CLCN5: variants seen among roughly 807,000 people sequenced by gnomAD.
The protein encoded by CLCN5 is Cl-/H+ antiporter 5, also known as H(+)/Cl(-) exchange transporter 5.
In CLCN5, 17 loss-of-function variants were observed where a neutral mutation model predicts 54.0. The observed-to-expected ratio is 0.31, with a 90% CI of 0.22 to 0.47. The LOEUF (loss-of-function observed/expected upper bound fraction) is 0.47, where lower values mean the gene tolerates loss of function less well. CLCN5 is among the 20% of genes least tolerant of loss of function. CLCN5 has a pLI of 1.00. For synonymous variants in CLCN5, 222 were observed against 233.0 expected, an observed-to-expected ratio of 0.95 and a Z score of 0.43; for missense variants, 448 against 646.7, an observed-to-expected ratio of 0.69 and a Z score of 3.33.
intron 9 of CLCN5, among the ~76,000 whole-genome samples, chrX:50,082,616 G>A (rs1229925005): frequency 2.7e-5 from 3 of 111,460 alleles, no homozygotes; most frequent in Non-Finnish European, 3.8e-5. Flanking sequence ...CCTGGCTCAC[G>A]TCAAACTGTT....
chrX:50,078,731 A>T (rs1158348663), intron 7 of CLCN5, among the ~76,000 whole-genome samples: 2 of 112,552 alleles, frequency 1.8e-5, no homozygotes, highest in Non-Finnish European at 3.8e-5. Flanking sequence ...TTCAAACTGG[A>T]GCTTGAGATT....
chrX:50,013,216 C>T (rs1230364589), intron 3 of CLCN5: 2 of 152,883 alleles, frequency 1.3e-5, no homozygotes, highest in South Asian at 1.1e-4. Context: ...CTCCCCCACC[C>T]CCCTCCCATG....
chrX:50,066,622 C>T (rs1432879931), intron 4 of CLCN5, among the ~76,000 whole-genome samples: 1 of 111,650 alleles, frequency 9.0e-6, no homozygotes, highest in Admixed American at 9.5e-5. Flanking sequence ...ACCGGACTGA[C>T]CTTATTGCAC....
chrX:50,006,589 A>ATTT, intron 3 of CLCN5, among the ~76,000 whole-genome samples: 1 of 111,617 alleles, frequency 9.0e-6, no homozygotes, highest in Non-Finnish European at 1.9e-5. Flanking sequence ...GGGGCTGGAA[A>ATTT]AGGGGAGCTT....
At chrX:50,054,025 CTCTT>C (rs1932668591) in intron 4 of CLCN5, among the ~76,000 whole-genome samples, 1 of 110,781 alleles carries the variant, frequency 9.0e-6, no homozygotes, top group African/African-American at 3.3e-5. Flanking sequence ...TGTCTTGCAG[CTCTT>C]TCAACTGTGA....
chrX:50,055,815 A>G (rs139310357), intron 4 of CLCN5, among the ~76,000 whole-genome samples: 1,720 of 111,379 alleles, frequency 0.015, 31 homozygotes, highest in African/African-American at 0.053. Context: ...TTAAAAAAAG[A>G]CATATTCTGC....
intron 11 of CLCN5, among the ~76,000 whole-genome samples, chrX:50,087,892 T>C (rs1277431043): frequency 8.9e-6 from 1 of 112,104 alleles, no homozygotes; most frequent in Admixed American, 9.5e-5. Context: ...ATCCTTATCA[T>C]CATTTCCCTC....
intron 3 of CLCN5, among the ~76,000 whole-genome samples, chrX:49,967,215 T>TGGCAAACCG (rs2060334791): frequency 8.3e-5 from 2 of 24,231 alleles, no homozygotes; most frequent in East Asian, 1.0e-3. Flanking sequence ...ATGGTTGAAC[T>TGGCAAACCG]AGTTTACAGT....
chrX:49,937,309 A>G (rs1926050789), intron 3 of CLCN5, among the ~76,000 whole-genome samples: 2 of 112,096 alleles, frequency 1.8e-5, no homozygotes, highest in Admixed American at 9.5e-5. Flanking sequence ...TGGCAAGGCT[A>G]GGGATTTTAG....
At chrX:49,929,779 GT>G (rs782239212) in intron 3 of CLCN5, among the ~76,000 whole-genome samples, 76 of 89,963 alleles carry the variant, frequency 8.4e-4, no homozygotes, top group Non-Finnish European at 1.1e-3. Context: ...TAGGTTTTTT[GT>G]TTTTTTTTTT....
intron 3 of CLCN5, among the ~76,000 whole-genome samples, chrX:49,960,684 C>T (rs1223983878): frequency 9.1e-6 from 1 of 110,252 alleles, no homozygotes; most frequent in Non-Finnish European, 1.9e-5. Context: ...TTACCTATCC[C>T]CTGATGCATC....
chrX:50,007,397 T>TTCTCTC (rs781888075), intron 3 of CLCN5, among the ~76,000 whole-genome samples: 3,508 of 64,292 alleles, frequency 0.055, 140 homozygotes, highest in East Asian at 0.07. Context: ...CTCTCTCTCT[T>TTCTCTC]TCTCTCTCTC....
intron 4 of CLCN5, among the ~76,000 whole-genome samples, chrX:50,044,637 G>A (rs892694825): frequency 1.8e-5 from 2 of 110,631 alleles, no homozygotes; most frequent in Non-Finnish European, 3.8e-5. Flanking sequence ...AATTTTTTGC[G>A]GGCAGGGGAT....
At chrX:49,977,766 C>G (rs1928547727) in intron 3 of CLCN5, among the ~76,000 whole-genome samples, 1 of 111,746 alleles carries the variant, frequency 8.9e-6, no homozygotes, top group Non-Finnish European at 1.9e-5. Context: ...TTTCTTTCCC[C>G]CCTCCAGAAG....
At chrX:50,015,918 C>A (rs1405658122) in intron 3 of CLCN5, among the ~76,000 whole-genome samples, 1 of 111,559 alleles carries the variant, frequency 9.0e-6, no homozygotes. Context: ...GATCCTTGGT[C>A]CTTCTTCTCT....
chrX:50,066,202 CAAA>C (rs781827477), intron 4 of CLCN5, among the ~76,000 whole-genome samples: 2 of 65,305 alleles, frequency 3.1e-5, no homozygotes. Flanking sequence ...AATTCCAGAG[CAAA>C]AAAAAAAAAA....
At chrX:50,011,839 A>G (rs1451711415) in intron 3 of CLCN5, among the ~76,000 whole-genome samples, 1 of 112,040 alleles carries the variant, frequency 8.9e-6, no homozygotes, top group African/African-American at 3.2e-5. Flanking sequence ...CATACTCTGT[A>G]TGGCTGCTTG....
At chrX:50,058,854 A>C (rs1422802093) in intron 4 of CLCN5, among the ~76,000 whole-genome samples, 1 of 111,207 alleles carries the variant, frequency 9.0e-6, no homozygotes, top group Non-Finnish European at 1.9e-5. Flanking sequence ...AGAGACAAAA[A>C]TCTAGACTCA....
At chrX:49,999,075 C>T (rs1253060024) in intron 3 of CLCN5, among the ~76,000 whole-genome samples, 2 of 109,083 alleles carry the variant, frequency 1.8e-5, no homozygotes, top group East Asian at 5.8e-4. Context: ...TCTTACAGGC[C>T]TTGTTGGCAA....
Sources: allele counts gnomAD v4.1 joint callset (sites outside exome capture counted in the v4.1 genomes callset), GRCh38; gene constraint gnomAD v4.1.1; transcripts MANE v1.5; gene names NCBI Gene and HGNC (gene_info 2026-07-23, HGNC 2026-07-21).